Variants in NRXN1 observed in about 807,000 individuals in gnomAD.
NRXN1 encodes neurexin-1.
NRXN1 carries 39 observed loss-of-function variants against 150.9 expected under a neutral mutation model. That is an observed-to-expected ratio of 0.26 (90% CI 0.20 to 0.34). NRXN1 has a LOEUF of 0.34. NRXN1 is among the 10% of genes least tolerant of loss of function. The probability of loss-of-function intolerance (pLI) is 1.00; values close to 1 mark genes in which losing one functional copy is unlikely to be tolerated. For synonymous variants in NRXN1, 924 were observed against 757.0 expected (o/e 1.22, Z -3.62); for missense variants, 1,815 against 1,949.9 (o/e 0.93, Z 1.30).
intron 19 of NRXN1, among the ~76,000 whole-genome samples, chr2:50,061,729 C>T (rs1454277696): frequency 6.6e-6 from 1 of 152,146 alleles, no homozygotes; most frequent in Non-Finnish European, 1.5e-5. Flanking sequence ...TTTAGTCTCA[C>T]ACTTTTCCCA....
intron 21 of NRXN1, among the ~76,000 whole-genome samples, chr2:49,981,742 T>A (rs1479704207): frequency 6.6e-6 from 1 of 152,082 alleles, no homozygotes; most frequent in Non-Finnish European, 1.5e-5. Context: ...CAGCTTGGAC[T>A]GAATATATAA....
intron 18 of NRXN1, among the ~76,000 whole-genome samples, chr2:50,191,331 T>C (rs1315695880): frequency 2.6e-5 from 4 of 152,014 alleles, no homozygotes; most frequent in African/African-American, 4.8e-5. Context: ...TGAGCCACCA[T>C]GACCGGCAAT....
chr2:49,992,356 G>A (rs967064878), intron 21 of NRXN1, among the ~76,000 whole-genome samples: 1 of 151,450 alleles, frequency 6.6e-6, no homozygotes, highest in East Asian at 1.9e-4. Flanking sequence ...TGGACAACAT[G>A]GTGAAACTCC....
At chr2:50,916,572 C>A (rs917418878) in intron 5 of NRXN1, among the ~76,000 whole-genome samples, 1 of 151,558 alleles carries the variant, frequency 6.6e-6, no homozygotes, top group African/African-American at 2.4e-5. Context: ...TCCATTATGT[C>A]ATAATTTGAA....
intron 17 of NRXN1, among the ~76,000 whole-genome samples, chr2:50,369,820 G>T (rs1310145916): frequency 6.6e-6 from 1 of 151,958 alleles, no homozygotes; most frequent in Non-Finnish European, 1.5e-5. Flanking sequence ...TACGGAGACT[G>T]GTCAAGATGT....
chr2:50,560,303 A>G (rs1668860000), intron 8 of NRXN1, among the ~76,000 whole-genome samples: 1 of 152,178 alleles, frequency 6.6e-6, no homozygotes, highest in Non-Finnish European at 1.5e-5. Context: ...TGATATGTCC[A>G]CAGGAGACAG....
chr2:50,116,963 T>G (rs1703157142), intron 18 of NRXN1, among the ~76,000 whole-genome samples: 2 of 152,098 alleles, frequency 1.3e-5, no homozygotes, highest in African/African-American at 4.8e-5. Context: ...GGTAGTGGGG[T>G]GTTACAGGGA....
At chr2:50,842,914 G>T (rs572724446) in intron 5 of NRXN1, among the ~76,000 whole-genome samples, 1 of 152,062 alleles carries the variant, frequency 6.6e-6, no homozygotes, top group East Asian at 1.9e-4. Context: ...TACAGAATAG[G>T]ATTATACAGT....
intron 19 of NRXN1, among the ~76,000 whole-genome samples, chr2:50,073,367 G>A (rs555755331): frequency 3.0e-4 from 45 of 152,130 alleles, no homozygotes; most frequent in Non-Finnish European, 5.7e-4. Flanking sequence ...AAATATTTCT[G>A]AATAAATTAC....
At chr2:50,064,867 T>C (rs895736401) in intron 19 of NRXN1, among the ~76,000 whole-genome samples, 1 of 152,136 alleles carries the variant, frequency 6.6e-6, no homozygotes, top group African/African-American at 2.4e-5. Context: ...CTTTGTAACA[T>C]GAGGGCAGAG....
intron 8 of NRXN1, among the ~76,000 whole-genome samples, chr2:50,554,954 G>C (rs1481000372): frequency 6.6e-6 from 1 of 152,112 alleles, no homozygotes; most frequent in Non-Finnish European, 1.5e-5. Flanking sequence ...TAATTCTTAA[G>C]AATACTTTTT....
intron 15 of NRXN1, among the ~76,000 whole-genome samples, chr2:50,473,966 T>C (rs1441441665): frequency 6.6e-6 from 1 of 152,008 alleles, no homozygotes; most frequent in East Asian, 1.9e-4. Flanking sequence ...ACTGAGAACT[T>C]AGGTCCTTGA....
At chr2:50,476,911 G>A (rs2090038043) in intron 15 of NRXN1, among the ~76,000 whole-genome samples, 2 of 152,108 alleles carry the variant, frequency 1.3e-5, no homozygotes, top group Admixed American at 1.3e-4. Flanking sequence ...ACTCTATGAA[G>A]CCCAAGGGCC....
chr2:50,683,233 G>C (rs1159224014), intron 5 of NRXN1, among the ~76,000 whole-genome samples: 1 of 151,954 alleles, frequency 6.6e-6, no homozygotes, highest in Non-Finnish European at 1.5e-5. Flanking sequence ...GAACCACAGA[G>C]GATCAGAGGC....
chr2:50,267,001 T>C (rs1006502331), intron 17 of NRXN1, among the ~76,000 whole-genome samples: 3 of 152,246 alleles, frequency 2.0e-5, no homozygotes, highest in Non-Finnish European at 2.9e-5. Context: ...ATTTAATTTG[T>C]GCACACCTTA....
chr2:50,011,639 C>G (rs959439034), intron 21 of NRXN1, among the ~76,000 whole-genome samples: 1 of 151,966 alleles, frequency 6.6e-6, no homozygotes, highest in Non-Finnish European at 1.5e-5. Flanking sequence ...CCATCAGAGG[C>G]TGGTCAAGTT....
Position 50,696,571 on chromosome 2 carries a change from C to T in NRXN1, c.833-72956G>A, listed in dbSNP as rs1344613260. ...AGAAAACTGTTTATGCCTCTTCTTC[C>T]AATGTCTATTTATTTTCTTTGTGGT... On this transcript the variant is annotated intron_variant, in intron 5 of 22. Coordinates refer to ENST00000401669, the MANE Select transcript of NRXN1 (RefSeq NM_001330078.2). 2.6e-5 allele frequency among the ~76,000 whole-genome samples: 4 copies of T among 152,192 alleles called. No individual in the cohort carries two copies. In the East Asian group the frequency reaches 7.8e-4, roughly 30 times the overall value.
At chr2:50,971,550 T>C (rs1695001976) in intron 2 of NRXN1, among the ~76,000 whole-genome samples, 1 of 151,938 alleles carries the variant, frequency 6.6e-6, no homozygotes, top group Non-Finnish European at 1.5e-5. Flanking sequence ...GTCATTGCAC[T>C]CCAGCCTGGG....
intron 8 of NRXN1, among the ~76,000 whole-genome samples, chr2:50,591,972 A>C (rs977574042): frequency 1.3e-5 from 2 of 152,178 alleles, no homozygotes; most frequent in African/African-American, 4.8e-5. Context: ...TTGGTTAAGC[A>C]AGCCTCAAAT....
Sources: allele counts gnomAD v4.1 joint callset (sites outside exome capture counted in the v4.1 genomes callset), GRCh38; gene constraint gnomAD v4.1.1; transcripts MANE v1.5; gene names NCBI Gene and HGNC (gene_info 2026-07-23, HGNC 2026-07-21).